The following FASTKD1 variants were observed in gnomAD, a reference collection of about 807,000 sequenced individuals.
FASTKD1 encodes the protein FAST kinase domain-containing protein 1, mitochondrial.
A neutral mutation model predicts 90.9 loss-of-function variants in FASTKD1; 94 were observed. The ratio of observed to expected loss-of-function variants is 1.03; its 90% CI spans 0.88 to 1.23. FASTKD1 has a LOEUF of 1.23. Among genes scored for constraint, FASTKD1 ranks in the 50% most tolerant of loss-of-function variants. FASTKD1 has a pLI of 0.00. For synonymous variants in FASTKD1, 319 were observed against 345.8 expected (o/e 0.92, Z 0.86); for missense variants, 945 against 993.5 (o/e 0.95, Z 0.66).
intron 3 of FASTKD1, among the ~76,000 whole-genome samples, chr2:169,564,033 A>G (rs1683840274): frequency 6.6e-6 from 1 of 152,188 alleles, no homozygotes; most frequent in South Asian, 2.1e-4. Flanking sequence ...AGAAGAGAAC[A>G]TGAAAAGAAC....
intron 14 of FASTKD1, 22 bp downstream of exon 14, chr2:169,530,565 G>T: frequency 7.1e-7 from 1 of 1,410,016 alleles, no homozygotes; most frequent in Non-Finnish European, 9.9e-7. Context: ...TTTAGAGGCT[G>T]AATTACATGA....
intron 9 of FASTKD1, among the ~76,000 whole-genome samples, chr2:169,541,807 G>A (rs1403778110): frequency 6.6e-6 from 1 of 152,102 alleles, no homozygotes; most frequent in Non-Finnish European, 1.5e-5. Context: ...AAAGATCTGA[G>A]GAAACCAGTC....
At position 169,553,271 on chromosome 2, in the gene FASTKD1, CA is replaced by C. The variant is rs374454211; in HGVS notation, c.1214+1852del. 3.8e-3 allele frequency among the ~76,000 whole-genome samples: 299 copies of C among 79,222 alleles called. 5 individuals carry two copies. The highest frequency in any genetic ancestry group is 4.0e-3 in the African/African-American group (77 of 19,418). 52.0% of individuals were successfully genotyped at this position (79,222 alleles called of 152,430 possible). A position where few individuals can be genotyped will look rare whatever the true frequency, so the allele number is the denominator to read the frequency against. ...ATATAGAAAATTTTTTAAAAGCATG[CA>C]AAAAAAAAAAAAAAAAACCCACTGT... On this transcript the variant is annotated intron_variant, in intron 7 of 14. Transcript: ENST00000453153.
intron 3 of FASTKD1, among the ~76,000 whole-genome samples, chr2:169,563,564 A>G (rs1384612391): frequency 1.3e-5 from 2 of 152,276 alleles, no homozygotes; most frequent in South Asian, 2.1e-4. Flanking sequence ...AATTATTTGA[A>G]TGATTTACTT....
chr2:169,556,048 C>T (rs535966913), intron 6 of FASTKD1, among the ~76,000 whole-genome samples: 1 of 151,268 alleles, frequency 6.6e-6, no homozygotes, highest in Non-Finnish European at 1.5e-5. Context: ...AGTAAGAAAA[C>T]AAAAAGAAAA....
Position 169,529,482 on chromosome 2 carries a change from C to T in FASTKD1, c.*343G>A, listed in dbSNP as rs1464235850. Among the ~76,000 whole-genome samples the T allele has an allele frequency of 3.9e-5, 6 of 152,218 alleles. No individual in the cohort carries two copies. Among genetic ancestry groups the T allele is most frequent in the Admixed American group, 1.3e-4 (2 of 15,284 alleles). On this transcript the variant is annotated 3_prime_UTR_variant, in exon 15 of 15. Coordinates refer to ENST00000453153, the MANE Select transcript of FASTKD1 (RefSeq NM_024622.6). Reference sequence around the variant, plus strand: ...AAGAGTTTTCTTTCTTACACATTTGCCTCATCGTAGTCTTTTCTTATCTCA... The same window carrying T: ...AAGAGTTTTCTTTCTTACACATTTGTCTCATCGTAGTCTTTTCTTATCTCA...
chr2:169,535,735 C>CA (rs1464956006), intron 12 of FASTKD1, among the ~76,000 whole-genome samples: 2 of 152,166 alleles, frequency 1.3e-5, no homozygotes, highest in African/African-American at 4.8e-5. Flanking sequence ...CTGCCCAGTG[C>CA]AAAAATCACA....
At chr2:169,570,774 C>CAA (rs1684199835) in intron 2 of FASTKD1, among the ~76,000 whole-genome samples, 1 of 149,508 alleles carries the variant, frequency 6.7e-6, no homozygotes, top group African/African-American at 2.5e-5. Flanking sequence ...CACGTGAATT[C>CAA]AAGAGATTCT....
chr2:169,539,001 C>T (rs1369794137), intron 10 of FASTKD1, among the ~76,000 whole-genome samples: 2 of 152,054 alleles, frequency 1.3e-5, no homozygotes, highest in East Asian at 1.9e-4. Context: ...GGTGTGGGGG[C>T]TCATGCCTGT....
intron 7 of FASTKD1, among the ~76,000 whole-genome samples, chr2:169,550,434 G>A (rs532176615): frequency 5.9e-5 from 9 of 152,224 alleles, no homozygotes; most frequent in Non-Finnish European, 1.3e-4. Flanking sequence ...GACAGTGGAT[G>A]AATGAGTTTA....
At chr2:169,544,669 A>T (rs961264071) in intron 9 of FASTKD1, 52 bp downstream of exon 9, 3 of 980,012 alleles carry the variant, frequency 3.1e-6, no homozygotes, top group Non-Finnish European at 4.9e-6. Context: ...CTCAGCAGCA[A>T]CAAGTATCCT....
rs758791708 is a variant in FASTKD1 at position 169,530,623 on chromosome 2, T to C, written c.2406A>G (p.Lys802=). ...GATACCCCAGAATTTCCAAATGTCGTTTTTTCATAGCAGATTTTCCTTTCA... is the reference window on the plus strand; with the variant it reads ...GATACCCCAGAATTTCCAAATGTCGCTTTTTCATAGCAGATTTTCCTTTCA... ...PHMKGKSAMK[K]RHLEILGYRV... is the part of the protein sequence containing the mutation. Residue 802 remains lysine, a synonymous_variant, in exon 14 of 15, where the codon AAA becomes AAG. Coordinates refer to ENST00000453153, the MANE Select transcript of FASTKD1 (RefSeq NM_024622.6). The C allele has an allele frequency of 3.1e-6, 5 of 1,606,178 alleles. No individual in the cohort carries two copies. Among genetic ancestry groups the C allele is most frequent in the Non-Finnish European group, 4.2e-6 (5 of 1,176,676 alleles).
intron 13 of FASTKD1, 109 bp downstream of exon 13, chr2:169,531,243 T>C (rs763849268): frequency 2.4e-5 from 27 of 1,124,532 alleles, no homozygotes; most frequent in Non-Finnish European, 3.5e-5. Flanking sequence ...ATGCATGACA[T>C]ATGAGGAACA....
At chr2:169,563,448 T>C in intron 3 of FASTKD1, 98 bp from the exon 4 acceptor site, 4 of 864,140 alleles carry the variant, frequency 4.6e-6, no homozygotes, top group Non-Finnish European at 6.3e-6. Context: ...AAATAGTAAA[T>C]TACATAAAAT....
At chr2:169,537,928 T>C in intron 11 of FASTKD1, 85 bp downstream of exon 11, 2 of 1,198,374 alleles carry the variant, frequency 1.7e-6, no homozygotes, top group Admixed American at 5.0e-5. Flanking sequence ...CGTGTCATGT[T>C]TAAGTATAAC....
intron 7 of FASTKD1, among the ~76,000 whole-genome samples, chr2:169,547,815 G>T (rs1224251383): frequency 7.0e-6 from 1 of 143,270 alleles, no homozygotes; most frequent in Non-Finnish European, 1.5e-5. Context: ...AACCAGGGAG[G>T]TGGAGGTTGC....
chr2:169,530,207 C>G (rs760962983), intron 14 of FASTKD1, among the ~76,000 whole-genome samples: 2 of 152,182 alleles, frequency 1.3e-5, no homozygotes, highest in Non-Finnish European at 2.9e-5. Flanking sequence ...CCTCTGATAA[C>G]TCTATCCATC....
chr2:169,569,425 T>C (rs191620760), intron 2 of FASTKD1, among the ~76,000 whole-genome samples, 173 bp from the exon 3 acceptor site: 1 of 152,240 alleles, frequency 6.6e-6, no homozygotes, highest in Non-Finnish European at 1.5e-5. Context: ...TACAGCCTAA[T>C]AAACATCTAT....
At chr2:169,542,886 C>T (rs1001550143) in intron 9 of FASTKD1, among the ~76,000 whole-genome samples, 1 of 152,092 alleles carries the variant, frequency 6.6e-6, no homozygotes, top group East Asian at 1.9e-4. Context: ...TAGACAGAAA[C>T]AATCAGACAT....
Sources: gnomAD v4.1 joint callset for allele counts (sites outside exome capture counted in the v4.1 genomes callset) on GRCh38, gnomAD v4.1.1 for gene constraint, MANE v1.5 for transcripts, NCBI Gene and HGNC (gene_info 2026-07-23, HGNC 2026-07-21) for gene names.